Variants in UVSSA observed in about 807,000 individuals in gnomAD.
The protein encoded by UVSSA is UV stimulated scaffold protein A.
Under a neutral mutation model 73.9 loss-of-function variants are expected in UVSSA, and 72 were observed. The ratio of observed to expected loss-of-function variants is 0.97; its 90% confidence interval spans 0.81 to 1.19. The LOEUF (loss-of-function observed/expected upper bound fraction) is 1.19. UVSSA is among the 50% of genes most tolerant of loss of function. The pLI is 0.00. For missense variants in UVSSA, 1,150 were observed against 965.0 expected (o/e 1.19, Z -2.54); for synonymous variants, 454 against 391.3 (o/e 1.16, Z -1.89).
chr4:1,360,626 C>G lies in UVSSA; in HGVS notation c.1176+5381C>G, dbSNP rs191865981. 3.1e-3 allele frequency among the ~76,000 whole-genome samples: 479 copies of G among 152,312 alleles called. 3 individuals carry two copies. The highest frequency in any genetic ancestry group is 0.011 in the African/African-American group (460 of 41,558). Reference sequence around the variant, plus strand: ...CTGGCCCCTGTGGGCCCTGGCTGCACTCTCCTTCCCTGAGAAGGTCAGGCT... The same window carrying G: ...CTGGCCCCTGTGGGCCCTGGCTGCAGTCTCCTTCCCTGAGAAGGTCAGGCT... On this transcript the variant is annotated intron_variant, in intron 7 of 13. Transcript: ENST00000389851.
Position 1,377,141 on chromosome 4 carries a change from G to A in UVSSA, c.1568+973G>A, listed in dbSNP as rs572729825. Among the ~76,000 whole-genome samples the A allele has an allele frequency of 8.5e-5, 13 of 152,334 alleles. 1 individual carries two copies. In the East Asian group the frequency reaches 2.5e-3, roughly 29 times the overall value. On this transcript the variant is annotated intron_variant, in intron 10 of 13. Transcript: ENST00000389851. Reference sequence around the variant, plus strand: ...GTCAGAACCTCCAGAGAGCGGGGGGGCAGGGGAGCCGGGCAAGGGTCCTGG... The same window carrying A: ...GTCAGAACCTCCAGAGAGCGGGGGGACAGGGGAGCCGGGCAAGGGTCCTGG...
intron 1 of UVSSA, 58 bp from the exon 2 acceptor site, chr4:1,348,032 C>T (rs985035428): frequency 2.1e-6 from 3 of 1,415,274 alleles, no homozygotes; most frequent in Non-Finnish European, 2.0e-6. Context: ...ACGTTAATAA[C>T]ACCGAGAGCT....
At chr4:1,356,244 T>A (rs1425435266) in intron 7 of UVSSA, among the ~76,000 whole-genome samples, 1 of 151,726 alleles carries the variant, frequency 6.6e-6, no homozygotes, top group East Asian at 1.9e-4. Flanking sequence ...AGGAAGAGGT[T>A]GGGTTCCACA....
intron 6 of UVSSA, 38 bp from the exon 7 acceptor site, chr4:1,355,079 C>T (rs575280604): frequency 1.4e-5 from 23 of 1,606,446 alleles, no homozygotes; most frequent in South Asian, 8.9e-5. Flanking sequence ...AGGTCCTGCC[C>T]GGCCGGCCCC....
intron 5 of UVSSA, 188 bp from the exon 6 acceptor site, chr4:1,354,547 T>C: frequency 1.7e-6 from 1 of 596,542 alleles, no homozygotes. Flanking sequence ...TAAGCCACAG[T>C]GTTCTTTTCT....
chr4:1,353,308 A>C lies in UVSSA; in HGVS notation c.829A>C (p.Thr277Pro), dbSNP rs769920844. ...CGGGGCACAGCCATCCCAGACAGCC[A>C]CAGGTGACCCCTCAGATGAGGACGA... ...GGGAQPSQTA[T>P]GDPSDEDEDS... is the part of the protein sequence containing the mutation. Residue 277 changes from threonine (T) to proline (P), a missense_variant, in exon 5 of 14, where the codon ACA (threonine) becomes CCA (proline). Coordinates refer to ENST00000389851, the MANE Select transcript of UVSSA (RefSeq NM_020894.4). 9.3e-6 allele frequency: 15 copies of C among 1,611,618 alleles called. No homozygotes were observed. Among genetic ancestry groups the C allele is most frequent in the Non-Finnish European group, 1.2e-5 (14 of 1,179,872 alleles).
At chr4:1,359,941 G>A (rs1716379862) in intron 7 of UVSSA, among the ~76,000 whole-genome samples, 1 of 152,220 alleles carries the variant, frequency 6.6e-6, no homozygotes. Flanking sequence ...TTTCTGTGAT[G>A]CTCTGGAGCC....
chr4:1,375,559 C>T (rs757250353), intron 9 of UVSSA, 51 bp downstream of exon 9: 1 of 1,583,014 alleles, frequency 6.3e-7, no homozygotes, highest in Non-Finnish European at 8.6e-7. Context: ...GCTGCCACAG[C>T]CTCTGCCCAG....
At chr4:1,361,175 G>A (rs377641141) in intron 7 of UVSSA, among the ~76,000 whole-genome samples, 1 of 152,222 alleles carries the variant, frequency 6.6e-6, no homozygotes, top group Non-Finnish European at 1.5e-5. Flanking sequence ...TTGTGAACCT[G>A]AGGCCTCCTC....
chr4:1,351,334 G>A (rs557944222), intron 3 of UVSSA, among the ~76,000 whole-genome samples: 1 of 151,840 alleles, frequency 6.6e-6, no homozygotes, highest in East Asian at 1.9e-4. Context: ...AAAGTGCTGG[G>A]GTGACAGGCA....
chr4:1,370,380 A>C (rs1717882436), intron 8 of UVSSA, among the ~76,000 whole-genome samples: 1 of 152,226 alleles, frequency 6.6e-6, no homozygotes. Flanking sequence ...ATTGAGTGCC[A>C]GCGCTGAGCA....
chr4:1,352,575 A>G (rs970173498), intron 4 of UVSSA, among the ~76,000 whole-genome samples: 4 of 152,114 alleles, frequency 2.6e-5, no homozygotes, highest in Non-Finnish European at 4.4e-5. Flanking sequence ...TCCCCTGCGC[A>G]CTCGTGCTTG....
At position 1,376,506 on chromosome 4, in the gene UVSSA, G is replaced by A. The variant is rs532118224; in HGVS notation, c.1568+338G>A. 2.0e-5 allele frequency among the ~76,000 whole-genome samples: 3 copies of A among 152,326 alleles called. No individual in the cohort carries two copies. The East Asian group carries it at 5.8e-4, about 29-fold the overall frequency. ...GTTCAGTTTGTCCTGCTTCAGGACT[G>A]CACGGTTGGCTGAGGCCTGGGGCTT... On this transcript the variant is annotated intron_variant, in intron 10 of 13. Transcript: ENST00000389851.
Position 1,375,523 on chromosome 4 carries a change from C to G in UVSSA, c.1433+15C>G. On this transcript the variant is annotated intron_variant, in intron 9 of 13. Transcript: ENST00000389851. ...TCATCTGCCAGGTGACTCCCAGTGT[C>G]CTGTGTGCTGAGCCCCCTGCCCGGC... is the stretch of plus-strand genomic sequence containing the variant. The G allele has an allele frequency of 6.2e-7, 1 of 1,606,058 alleles. No individual in the cohort carries two copies. Among genetic ancestry groups the G allele is most frequent in the Non-Finnish European group, 8.5e-7 (1 of 1,178,880 alleles).
rs1328480049 is a variant in UVSSA at position 1,384,000 on chromosome 4, G to A, written c.2036+60G>A. ...GGCCCCCCCGTGTGAGGGTGTTCGA[G>A]GGGGGCCATCTGAGCGCCAAGATAT... On this transcript the variant is annotated intron_variant, in intron 13 of 13. Coordinates refer to ENST00000389851, the MANE Select transcript of UVSSA (RefSeq NM_020894.4). 9 of 1,523,586 alleles carry A rather than the reference G, an allele frequency of 5.9e-6. No homozygotes were observed. In the Admixed American group the frequency reaches 1.3e-4, roughly 21 times the overall value. The allele number at this position is 1,523,586 out of a possible 1,614,324, so 94.4% of individuals were successfully genotyped here.
chr4:1,359,083 A>G (rs745693608), intron 7 of UVSSA: 6 of 152,210 alleles, frequency 3.9e-5, no homozygotes, highest in African/African-American at 9.7e-5. Flanking sequence ...TTTCTACGTA[A>G]TACTGTTTTC....
At chr4:1,362,199 A>C (rs1022223583) in intron 7 of UVSSA, among the ~76,000 whole-genome samples, 7 of 152,234 alleles carry the variant, frequency 4.6e-5, no homozygotes, top group Admixed American at 2.6e-4. Flanking sequence ...CATTTGTATG[A>C]AGCCAGCAGA....
chr4:1,395,260 G>A lies in UVSSA; in HGVS notation c.*9299G>A, dbSNP rs143316662. ...TCACACGTGCCCATGTGGAGTGCCC[G>A]CCTGCTCACGTGCCGATGTGGAGTG... On this transcript the variant is annotated 3_prime_UTR_variant, in exon 14 of 14. Transcript: ENST00000511216. 2.5e-4 allele frequency: 382 copies of A among 1,543,754 alleles called. 9 individuals are homozygous for A. The highest frequency in any genetic ancestry group is 1.1e-3 in the African/African-American group (61 of 57,920).
chr4:1,363,035 A>G (rs1307791812), intron 7 of UVSSA, among the ~76,000 whole-genome samples: 1 of 151,968 alleles, frequency 6.6e-6, no homozygotes, highest in Non-Finnish European at 1.5e-5. Context: ...TGTGACTTGA[A>G]CCCTGAAAAC....
Sources: gnomAD v4.1 joint callset for allele counts (sites outside exome capture counted in the v4.1 genomes callset) on GRCh38, gnomAD v4.1.1 for gene constraint, MANE v1.5 for transcripts, NCBI Gene and HGNC (gene_info 2026-07-23, HGNC 2026-07-21) for gene names.